The following ERI2 variants were observed in gnomAD, a reference collection of about 807,000 sequenced individuals.
ERI2 encodes ERI1 exoribonuclease 2.
ERI2 carries 35 observed loss-of-function variants against 46.8 expected under a neutral mutation model. That is an observed-to-expected ratio of 0.75 (90% CI 0.57 to 0.99). The LOEUF is 0.99. ERI2 is among the 50% of genes least tolerant of loss of function. ERI2 has a pLI of 0.00. For synonymous variants in ERI2, 224 were observed against 271.0 expected (o/e 0.83, Z 1.70); for missense variants, 695 against 796.2 (o/e 0.87, Z 1.53).
chr16:20,784,942 C>T, intron 10 of ERI2: 1 of 1,579,978 alleles, frequency 6.3e-7, no homozygotes, highest in Non-Finnish European at 8.6e-7. Context: ...CACTTCTCTC[C>T]ATTTTTCCTC....
At chr16:20,784,837 A>G (rs900866626) in intron 10 of ERI2, 1 of 685,562 alleles carries the variant, frequency 1.5e-6, no homozygotes, top group Non-Finnish European at 2.3e-6. Context: ...GTATATGTTT[A>G]TGGGGTAAAA....
At chr16:20,805,910 A>C (rs529988543) in intron 1 of ERI2, 3 of 950,922 alleles carry the variant, frequency 3.2e-6, no homozygotes, top group East Asian at 9.7e-5. Flanking sequence ...TGTTCAGTGT[A>C]CTCTCCTGGC....
At chr16:20,802,396 T>G (rs766950215) in intron 4 of ERI2, among the ~76,000 whole-genome samples, 15 of 151,924 alleles carry the variant, frequency 9.9e-5, no homozygotes, top group Non-Finnish European at 1.9e-4. Flanking sequence ...TAATCTTATT[T>G]ATTTATTTAC....
rs369306575 is a variant in ERI2, at chr16:20,790,072, G to T, written c.816-515C>A. ...AAATTTTTAAAAAATTTTATCCTGC[G>T]TTCACATGTTGGTAACCTGTATTTA... On this transcript the variant is annotated intron_variant, in intron 9 of 10. Transcript: ENST00000300005. The surrounding 1 kb of genome is among the most constrained non-coding windows in gnomAD (Gnocchi z 4.0). 6.6e-6 allele frequency among the ~76,000 whole-genome samples: 1 copy of T among 152,010 alleles called. No homozygotes were observed. Among genetic ancestry groups the T allele is most frequent in the South Asian group, 2.1e-4 (1 of 4,828 alleles).
rs1458354822 is a variant in ERI2, at chr16:20,796,348, G to A, written c.*1376C>T. The A allele has an allele frequency of 6.2e-7, 1 of 1,601,188 alleles. No individual in the cohort carries two copies. The highest frequency in any genetic ancestry group is 1.4e-5 in the African/African-American group (1 of 73,620). ...TACAAATGCATAACTCATTTTCCTG[G>A]TGTTTCAAATATTTATTTTAGGTAG... is the stretch of plus-strand genomic sequence containing the variant. On this transcript the variant is annotated 3_prime_UTR_variant, in exon 9 of 9. Coordinates refer to ENST00000357967, the MANE Select transcript of ERI2 (RefSeq NM_001142725.2).
At chr16:20,801,664 CAT>C (rs1399196568) in intron 4 of ERI2, among the ~76,000 whole-genome samples, 1 of 152,178 alleles carries the variant, frequency 6.6e-6, no homozygotes, top group African/African-American at 2.4e-5. Context: ...TGACATAAAT[CAT>C]AGACAAATTT....
At chr16:20,783,535 T>G (rs551189540) in intron 10 of ERI2, 2 of 152,320 alleles carry the variant, frequency 1.3e-5, no homozygotes, top group East Asian at 3.9e-4. Context: ...GGATTTTGAA[T>G]TTTCAGATTA....
chr16:20,791,526 G>A (rs1393152932), downstream of ERI2, among the ~76,000 whole-genome samples: 3 of 152,174 alleles, frequency 2.0e-5, no homozygotes, highest in East Asian at 5.8e-4. Context: ...TTCTTCTGTC[G>A]GGCTAGCTCC....
In ERI2 at chr16:20,796,883, C is replaced by T. The variant is rs757886676; in HGVS notation, c.*841G>A. ...CTAATTTTCTTCCCCTTGATGCCAA[C>T]AGGTAGAATTTATTCAAGAGCTGCC... On this transcript the variant is annotated 3_prime_UTR_variant, in exon 9 of 9. Coordinates refer to ENST00000357967, the MANE Select transcript of ERI2 (RefSeq NM_001142725.2). The T allele has an allele frequency of 6.2e-7, 1 of 1,610,542 alleles. No individual in the cohort carries two copies. The highest frequency in any genetic ancestry group is 8.5e-7 in the Non-Finnish European group (1 of 1,178,862).
rs545743231 is a variant in ERI2, at chr16:20,797,551, A to G, written c.*173T>C. On this transcript the variant is annotated 3_prime_UTR_variant, in exon 9 of 9. Transcript: ENST00000357967. ...ATCATATACTATTGTTGCTTATTATATGTAATCTAATAAATACTGTTTACA... is the reference window on the plus strand; with the variant it reads ...ATCATATACTATTGTTGCTTATTATGTGTAATCTAATAAATACTGTTTACA... 2.9e-5 allele frequency: 36 copies of G among 1,239,042 alleles called. No individual in the cohort carries two copies. In the African/African-American group the frequency reaches 4.5e-4, roughly 16 times the overall value. The allele number at this position is 1,239,042 out of a possible 1,614,324, so 76.8% of individuals were successfully genotyped here. A position where few individuals can be genotyped will look rare whatever the true frequency, so the allele number is the denominator to read the frequency against.
At position 20,785,041 on chromosome 16, in the gene ERI2, C is replaced by T. The variant is rs139667199; in HGVS notation, c.895-4307G>A. 5.8e-5 allele frequency: 93 copies of T among 1,613,556 alleles called. 1 individual carries two copies. Among genetic ancestry groups the T allele is most frequent in the Non-Finnish European group, 6.8e-5 (80 of 1,179,774 alleles). On this transcript the variant is annotated intron_variant, in intron 10 of 10. Transcript: ENST00000300005. ...GTGCTGGGGAACCAATTACCCCTGACGTGACTGAAAAATGGAGAAACAAGA... is the reference window on the plus strand; with the variant it reads ...GTGCTGGGGAACCAATTACCCCTGATGTGACTGAAAAATGGAGAAACAAGA...
At chr16:20,783,412 T>G (rs750956965) in intron 10 of ERI2, 4 of 152,150 alleles carry the variant, frequency 2.6e-5, no homozygotes, top group Non-Finnish European at 5.9e-5. Context: ...AATATTTGCA[T>G]TATACTGGTT....
At chr16:20,803,397 T>C (rs2152495854) in intron 3 of ERI2, 36 bp downstream of exon 3, 2 of 1,598,552 alleles carry the variant, frequency 1.3e-6, no homozygotes, top group East Asian at 4.5e-5. Context: ...GTGACTCATC[T>C]AGTGCCAGCT....
chr16:20,806,292 G>A (rs1472144744), intron 1 of ERI2, 116 bp downstream of exon 1: 6 of 1,470,078 alleles, frequency 4.1e-6, no homozygotes, highest in Non-Finnish European at 5.4e-6. Context: ...CAGACGCCGG[G>A]GCTGCGGGGA....
chr16:20,792,889 TA>T (rs2080633406), downstream of ERI2, among the ~76,000 whole-genome samples: 1 of 152,172 alleles, frequency 6.6e-6, no homozygotes, highest in Non-Finnish European at 1.5e-5. Flanking sequence ...TATTTTGGCT[TA>T]AAAGTACCAT....
intron 10 of ERI2, among the ~76,000 whole-genome samples, chr16:20,783,872 A>G (rs369281893): frequency 3.3e-4 from 50 of 151,864 alleles, no homozygotes; most frequent in African/African-American, 1.1e-3. Context: ...CAGTGGCACA[A>G]TCTCGGCTCA....
chr16:20,783,776 T>C (rs1286876103), intron 10 of ERI2, among the ~76,000 whole-genome samples: 4 of 151,646 alleles, frequency 2.6e-5, no homozygotes, highest in Non-Finnish European at 5.9e-5. Flanking sequence ...TCCCTGAAAA[T>C]ACACAAACTG....
At position 20,790,517 on chromosome 16, in the gene ERI2, G is replaced by T; in HGVS notation, c.815+333C>A. 4 of 1,435,688 alleles carry T rather than the reference G, an allele frequency of 2.8e-6. No individual in the cohort carries two copies. Among genetic ancestry groups the T allele is most frequent in the South Asian group, 1.2e-5 (1 of 81,844 alleles). The allele number at this position is 1,435,688 out of a possible 1,614,324, so 88.9% of individuals were successfully genotyped here. On this transcript the variant is annotated intron_variant, in intron 9 of 10. Coordinates refer to the ERI2 transcript ENST00000300005. The surrounding 1 kb of genome is among the most constrained non-coding windows in gnomAD (Gnocchi z 4.0). ...AATGGCAAAAGCCAAAATAAAACTT[G>T]CAAAGTTAATATTTAAGCTGCGACA...
chr16:20,798,593 G>C lies in ERI2; in HGVS notation c.1207C>G (p.Pro403Ala), dbSNP rs201880414. Residue 403 changes from proline (P) to alanine (A), a missense_variant, in exon 9 of 9, where the codon CCT becomes GCT. Transcript: ENST00000357967. Reference protein sequence around the residue: ...LEMSSTLDCLPVLADWEDVVL... With the variant: ...LEMSSTLDCLAVLADWEDVVL... ...ACATCCTCCCAATCAGCCAACACAG[G>C]TAAACAGTCCAGAGTAGAGCTCATT... 2,528 of 1,551,586 alleles carry C rather than the reference G, an allele frequency of 1.6e-3. 3 individuals are homozygous for C. Among genetic ancestry groups the C allele is most frequent in the Non-Finnish European group, 2.0e-3 (2,318 of 1,146,912 alleles).
Sources: gnomAD v4.1 joint callset for allele counts (sites outside exome capture counted in the v4.1 genomes callset) on GRCh38, gnomAD v4.1.1 for gene constraint, Gnocchi (gnomAD v3.1) non-coding constraint, MANE v1.5 for transcripts, NCBI Gene and HGNC (gene_info 2026-07-23, HGNC 2026-07-21) for gene names.